DPAGT1: variants seen among roughly 807,000 people sequenced by gnomAD.
DPAGT1 encodes dolichyl-phosphate N-acetylglucosaminephosphotransferase 1.
DPAGT1 carries 25 observed loss-of-function variants against 39.3 expected under a neutral mutation model. The ratio of observed to expected loss-of-function variants is 0.64; its 90% CI spans 0.46 to 0.89. The LOEUF (loss-of-function observed/expected upper bound fraction) is 0.89, where lower values mean the gene tolerates loss of function less well. Ranked by LOEUF, DPAGT1 falls within the 40% of genes least tolerant of loss-of-function variation. DPAGT1 has a pLI of 0.00. For missense variants in DPAGT1, 381 were observed against 500.6 expected, an observed-to-expected ratio of 0.76 and a Z score of 2.28; for synonymous variants, 193 against 201.4, an observed-to-expected ratio of 0.96 and a Z score of 0.36.
downstream of DPAGT1, chr11:119,095,461 C>T: frequency 6.9e-7 from 1 of 1,450,176 alleles, no homozygotes; most frequent in Non-Finnish European, 9.0e-7. Flanking sequence ...CGCAGTGTAA[C>T]TGCTGTCGCG....
chr11:119,096,174 G>A (rs538306958), downstream of DPAGT1, among the ~76,000 whole-genome samples: 2 of 152,062 alleles, frequency 1.3e-5, 1 homozygote, highest in Non-Finnish European at 2.9e-5. Context: ...TGTTGCCCAG[G>A]CTGTCTTGAA....
downstream of DPAGT1, among the ~76,000 whole-genome samples, chr11:119,096,041 C>T (rs1199712889): frequency 2.0e-5 from 3 of 152,140 alleles, no homozygotes; most frequent in African/African-American, 7.2e-5. Context: ...TCTCAGCTCA[C>T]TGCAGCCTCG....
downstream of DPAGT1, chr11:119,095,365 C>G: frequency 6.3e-7 from 1 of 1,581,244 alleles, no homozygotes; most frequent in Non-Finnish European, 8.6e-7. Context: ...TGGCGCGGGC[C>G]TTGCCGCCAG....
Position 119,101,599 on chromosome 11 carries a change from C to A in DPAGT1, c.57G>T (p.Leu19=). Residue 19 remains leucine (L), a synonymous_variant, in exon 1 of 9, where the codon CTG becomes CTT. Transcript: ENST00000354202. ...GGGTGACTGTGGCCACAAATCCCAG[C>A]AGCGAGACGATCAAATTGATCAGCA... ...MPLLINLIVS[L]LGFVATVTLI... 2 of 1,614,260 alleles carry A rather than the reference C, an allele frequency of 1.2e-6. No individual in the cohort carries two copies. Among genetic ancestry groups the A allele is most frequent in the Admixed American group, 1.7e-5 (1 of 60,032 alleles).
At position 119,097,757 on chromosome 11, in the gene DPAGT1, T is replaced by A; in HGVS notation, c.917+98A>T. The A allele has an allele frequency of 6.4e-7, 1 of 1,552,348 alleles. No homozygotes were observed. Among genetic ancestry groups the A allele is most frequent in the Non-Finnish European group, 8.9e-7 (1 of 1,126,068 alleles). ...GCTACTCACATGGAAATAGCCCTTCTTTGGGCCCACTCCCTTTGCACAGCA... is the reference window on the plus strand; with the variant it reads ...GCTACTCACATGGAAATAGCCCTTCATTGGGCCCACTCCCTTTGCACAGCA... On this transcript the variant is annotated intron_variant, in intron 6 of 8. Transcript: ENST00000354202. This position sits in a 1 kb window ranked among gnomAD's most constrained non-coding sequence, Gnocchi z 4.6.
At chr11:119,094,936 T>C (rs750863768), downstream of DPAGT1, 11 of 1,579,728 alleles carry the variant, frequency 7.0e-6, no homozygotes, top group Non-Finnish European at 9.4e-6. Flanking sequence ...TGGGGAGGCC[T>C]GGCGGCCGGC....
chr11:119,095,617 G>A (rs1034372080), downstream of DPAGT1: 4 of 514,234 alleles, frequency 7.8e-6, no homozygotes, highest in South Asian at 3.4e-5. Flanking sequence ...CCCGCTGATT[G>A]GTCGAATTTG....
downstream of DPAGT1, chr11:119,095,485 G>A: frequency 7.3e-7 from 1 of 1,376,072 alleles, no homozygotes. Context: ...GCGCCGCGAG[G>A]CCGCCTTTAT....
At chr11:119,101,228 T>C in intron 1 of DPAGT1, 90 bp from the exon 2 acceptor site, 1 of 1,585,626 alleles carries the variant, frequency 6.3e-7, no homozygotes, top group South Asian at 1.1e-5. Context: ...CAAAGTGGTC[T>C]TCTCATTCCC....
At chr11:119,094,869 G>T, downstream of DPAGT1, 13 of 1,293,010 alleles carry the variant, frequency 1.0e-5, no homozygotes, top group South Asian at 1.7e-4. Flanking sequence ...AGTCTGAAGC[G>T]GCTCAGCTCT....
intron 4 of DPAGT1, among the ~76,000 whole-genome samples, chr11:119,099,172 C>T (rs557263762): frequency 2.5e-4 from 38 of 152,276 alleles, no homozygotes; most frequent in African/African-American, 8.9e-4. Flanking sequence ...CGCCTGTAAT[C>T]CCAGCACTTT....
chr11:119,100,208 A>C, intron 4 of DPAGT1, 54 bp downstream of exon 4: 1 of 1,612,974 alleles, frequency 6.2e-7, no homozygotes, highest in Admixed American at 1.7e-5. Flanking sequence ...GTCATATATC[A>C]GGCCACACCT....
At chr11:119,093,982 C>A (rs1458992508), downstream of DPAGT1, 1 of 153,650 alleles carries the variant, frequency 6.5e-6, no homozygotes, top group African/African-American at 2.4e-5. Context: ...CAGAAGCCAA[C>A]GGAGGCTCAG....
At chr11:119,100,458 G>T in intron 3 of DPAGT1, 50 bp from the exon 4 acceptor site, 1 of 1,613,630 alleles carries the variant, frequency 6.2e-7, no homozygotes, top group Non-Finnish European at 8.5e-7. Flanking sequence ...AGGGGAGGAG[G>T]ATTTAAGAAT....
At chr11:119,100,547 G>T in intron 3 of DPAGT1, 83 bp downstream of exon 3, 1 of 1,598,850 alleles carries the variant, frequency 6.3e-7, no homozygotes, top group Non-Finnish European at 8.6e-7. Context: ...GACAAAAAAG[G>T]AACACTTGGA....
At chr11:119,101,203 G>A (rs1007935600) in intron 1 of DPAGT1, 65 bp from the exon 2 acceptor site, 28 of 1,608,264 alleles carry the variant, frequency 1.7e-5, no homozygotes, top group Non-Finnish European at 2.2e-5. Flanking sequence ...CACTAGTGCA[G>A]GTGTTACAGT....
At chr11:119,095,356 G>T, downstream of DPAGT1, 1 of 1,588,866 alleles carries the variant, frequency 6.3e-7, no homozygotes. Context: ...ACTTGGCCTT[G>T]GCGCGGGCCT....
At chr11:119,100,567 G>A in intron 3 of DPAGT1, 63 bp downstream of exon 3, 3 of 1,604,472 alleles carry the variant, frequency 1.9e-6, no homozygotes, top group East Asian at 2.2e-5. Flanking sequence ...AGGAGAATGT[G>A]GAGCACCAGG....
Position 119,101,615 on chromosome 11 carries a change from T to C in DPAGT1, c.41A>G (p.Asn14Ser), listed in dbSNP as rs373044813. The change falls in exon 1 of 9, where the codon AAT becomes AGT. Residue 14 changes from asparagine (N) to serine (S), a missense_variant. Coordinates refer to ENST00000354202, the MANE Select transcript of DPAGT1 (RefSeq NM_001382.4). ...AAATCCCAGCAGCGAGACGATCAAA[T>C]TGATCAGCAGCGGCATGGGCAATTC... Reference protein sequence around the residue: ...FSELPMPLLINLIVSLLGFVA... With the variant: ...FSELPMPLLISLIVSLLGFVA... The C allele has an allele frequency of 3.7e-6, 6 of 1,614,208 alleles. No individual in the cohort carries two copies. Among genetic ancestry groups the C allele is most frequent in the Non-Finnish European group, 5.1e-6 (6 of 1,180,038 alleles).
Sources: gnomAD v4.1 joint callset for allele counts (sites outside exome capture counted in the v4.1 genomes callset) on GRCh38, gnomAD v4.1.1 for gene constraint, Gnocchi (gnomAD v3.1) non-coding constraint, MANE v1.5 for transcripts, NCBI Gene and HGNC (gene_info 2026-07-23, HGNC 2026-07-21) for gene names.